Variants in OSGEPL1 observed in about 807,000 individuals in gnomAD.
The protein encoded by OSGEPL1 is O-sialoglycoprotein endopeptidase like 1.
OSGEPL1 carries 26 observed loss-of-function variants against 37.2 expected under a neutral mutation model. The ratio of observed to expected loss-of-function variants is 0.70; its 90% CI spans 0.51 to 0.97. OSGEPL1 has a LOEUF of 0.97. Among genes scored for constraint, OSGEPL1 ranks in the 50% least tolerant of loss-of-function variants. OSGEPL1 has a pLI of 0.00. For missense variants in OSGEPL1, 404 were observed against 487.0 expected (o/e 0.83, Z 1.60); for synonymous variants, 140 against 159.9 (o/e 0.88, Z 0.94).
intron 2 of OSGEPL1, among the ~76,000 whole-genome samples, chr2:189,757,891 T>G: frequency 6.6e-6 from 1 of 152,204 alleles, no homozygotes; most frequent in East Asian, 1.9e-4. Flanking sequence ...TGTCTAGTAC[T>G]TTCTCACTTC....
intron 2 of OSGEPL1, among the ~76,000 whole-genome samples, chr2:189,756,598 A>C (rs1056200344): frequency 2.6e-5 from 4 of 152,122 alleles, no homozygotes; most frequent in African/African-American, 4.8e-5. Flanking sequence ...AATTTTCCTT[A>C]ATTCTTCAAA....
chr2:189,753,035 C>T, intron 5 of OSGEPL1, 56 bp from the exon 6 acceptor site: 1 of 1,454,914 alleles, frequency 6.9e-7, no homozygotes, highest in South Asian at 1.4e-5. Context: ...AACCAAGCTG[C>T]TAATTAAACC....
Position 189,752,846 on chromosome 2 carries a change from T to TA in OSGEPL1, c.1094+2dup. 6.2e-7 allele frequency: 1 copy of TA among 1,613,678 alleles called. No homozygotes were observed. The highest frequency in any genetic ancestry group is 8.5e-7 in the Non-Finnish European group (1 of 1,179,734). On this transcript the variant is annotated splice_region_variant and intron_variant, in intron 6 of 8. Coordinates refer to ENST00000264151, the MANE Select transcript of OSGEPL1 (RefSeq NM_022353.3). ...AGTGAAGCACGTATATCCTGTGGCT[T>TA]ACCATGCAATCATAATGCCATTATC...
intron 8 of OSGEPL1, 23 bp downstream of exon 8, chr2:189,750,527 C>T: frequency 1.1e-6 from 1 of 935,918 alleles, no homozygotes; most frequent in South Asian, 1.6e-5. Flanking sequence ...ACAATAAAAA[C>T]TTAATTTTAA....
rs1338734284 is a variant in OSGEPL1, at chr2:189,752,906, C to T, written c.1037G>A (p.Cys346Tyr). 6.2e-7 allele frequency: 1 copy of T among 1,613,732 alleles called. No individual in the cohort carries two copies. The highest frequency in any genetic ancestry group is 1.3e-5 in the African/African-American group (1 of 75,014). The part of the protein sequence containing the change: ...ALEILTNATQ[C>Y]TLLCPPPRLC... ...TCTGGGAGGAGGACACAACAAAGTG[C>T]ACTGTGTTGCATTTGTTAAAATTTC... The change falls in exon 6 of 9, where the codon TGC (cysteine) becomes TAC (tyrosine). Residue 346 changes from cysteine (C) to tyrosine (Y), a missense_variant. Physicochemically the swap from Cys to Tyr is radical, Grantham distance 194. Transcript: ENST00000264151.
chr2:189,762,198 A>G (rs1446295974), intron 1 of OSGEPL1, among the ~76,000 whole-genome samples: 1 of 152,232 alleles, frequency 6.6e-6, no homozygotes, highest in Non-Finnish European at 1.5e-5. Context: ...TTGGAATTAA[A>G]TCTCCACTTT....
At chr2:189,757,476 A>G (rs1370444816) in intron 2 of OSGEPL1, among the ~76,000 whole-genome samples, 2 of 152,264 alleles carry the variant, frequency 1.3e-5, no homozygotes, top group Admixed American at 1.3e-4. Flanking sequence ...GCTTGTATTC[A>G]GCCCTTGCTA....
At chr2:189,760,840 TATA>T (rs1438538256) in intron 2 of OSGEPL1, among the ~76,000 whole-genome samples, 1 of 152,190 alleles carries the variant, frequency 6.6e-6, no homozygotes, top group East Asian at 1.9e-4. Context: ...CCTTGAAAAT[TATA>T]ATAATCTAAT....
rs373806443 is a variant in OSGEPL1, at chr2:189,752,831, G to A, written c.1094+18C>T. On this transcript the variant is annotated intron_variant, in intron 6 of 8. Coordinates refer to ENST00000264151, the MANE Select transcript of OSGEPL1 (RefSeq NM_022353.3). ...ATTTACATAGTTATGAGTGAAGCAC[G>A]TATATCCTGTGGCTTACCATGCAAT... The A allele has an allele frequency of 2.5e-5, 40 of 1,613,386 alleles. No individual in the cohort carries two copies. The African/African-American group carries it at 3.6e-4, about 15-fold the overall frequency.
chr2:189,751,074 T>G (rs1237979600), intron 7 of OSGEPL1, among the ~76,000 whole-genome samples: 1 of 152,226 alleles, frequency 6.6e-6, no homozygotes, highest in Non-Finnish European at 1.5e-5. Flanking sequence ...TCTCTGAAGT[T>G]TCAAAAGCTG....
rs1359356968 is a variant in OSGEPL1 at position 189,761,481 on chromosome 2, C to T, written c.160G>A (p.Val54Met). ...TSCDDTAAAV[V>M]DETGNVLGEA... ...CCCAACACATTTCCAGTTTCATCCACCACAGCAGCTGCTGTATCATCACAA... is the reference window on the plus strand; with the variant it reads ...CCCAACACATTTCCAGTTTCATCCATCACAGCAGCTGCTGTATCATCACAA... Residue 54 changes from valine (V) to methionine (M), a missense_variant, in exon 2 of 9, where the codon GTG becomes ATG. Val to Met is a conservative substitution (Grantham distance 21, BLOSUM62 1). Coordinates refer to ENST00000264151, the MANE Select transcript of OSGEPL1 (RefSeq NM_022353.3). The T allele has an allele frequency of 6.2e-7, 1 of 1,612,780 alleles. No homozygotes were observed. Among genetic ancestry groups the T allele is most frequent in the Non-Finnish European group, 8.5e-7 (1 of 1,179,422 alleles).
intron 2 of OSGEPL1, among the ~76,000 whole-genome samples, chr2:189,756,773 T>A (rs2046151441): frequency 6.6e-6 from 1 of 152,136 alleles, no homozygotes; most frequent in Admixed American, 6.5e-5. Context: ...TGTTCAACAG[T>A]CTTCTAATTG....
rs1160636022 is a variant in OSGEPL1, at chr2:189,750,563, T to C, written c.*15A>G. ...CCTTAATACTACCTTTAGGGACTTT[T>C]TTGAACAGCAGAAATCATATCTCCA... On this transcript the variant is annotated 3_prime_UTR_variant, in exon 8 of 9. Transcript: ENST00000264151. The C allele has an allele frequency of 6.8e-7, 1 of 1,475,356 alleles. No individual in the cohort carries two copies. Among genetic ancestry groups the C allele is most frequent in the Non-Finnish European group, 9.3e-7 (1 of 1,070,822 alleles). The allele number at this position is 1,475,356 out of a possible 1,614,324, so 91.4% of individuals were successfully genotyped here.
At position 189,761,547 on chromosome 2, in the gene OSGEPL1, T is replaced by A. The variant is rs1282819840; in HGVS notation, c.94A>T (p.Thr32Ser). 1.2e-5 allele frequency: 20 copies of A among 1,611,080 alleles called. No homozygotes were observed. The highest frequency in any genetic ancestry group is 1.7e-5 in the Non-Finnish European group (20 of 1,179,162). ...AATACTATTTTATGAAGAAATAGTG[T>A]TCCAGGATGAAAATTAAAACTTCTT... ...FLRSFNFHPG[T>S]LFLHKIVLGI... Residue 32 changes from threonine (T) to serine (S), a missense_variant, in exon 2 of 9, where the codon ACA becomes TCA. Thr to Ser is a moderately conservative substitution (Grantham distance 58). Coordinates refer to ENST00000264151, the MANE Select transcript of OSGEPL1 (RefSeq NM_022353.3).
chr2:189,762,072 C>T (rs1472791601), intron 1 of OSGEPL1, among the ~76,000 whole-genome samples: 1 of 152,192 alleles, frequency 6.6e-6, no homozygotes, highest in Non-Finnish European at 1.5e-5. Context: ...TGTATTCCAT[C>T]TCCTAAAAAC....
chr2:189,753,285 G>A (rs1337934178), intron 5 of OSGEPL1: 2 of 177,818 alleles, frequency 1.1e-5, no homozygotes, highest in African/African-American at 4.7e-5. Flanking sequence ...ATTATTTTGT[G>A]CATTTTACTA....
intron 8 of OSGEPL1, among the ~76,000 whole-genome samples, chr2:189,747,610 T>G (rs868160056): frequency 6.6e-6 from 1 of 152,190 alleles, no homozygotes; most frequent in Admixed American, 6.5e-5. Context: ...CAAATAGCAA[T>G]GTCTGCTTCT....
At chr2:189,757,932 A>C (rs2106043441) in intron 2 of OSGEPL1, among the ~76,000 whole-genome samples, 1 of 152,230 alleles carries the variant, frequency 6.6e-6, no homozygotes, top group South Asian at 2.1e-4. Flanking sequence ...TCACTTAGTG[A>C]TATGGTTTGG....
At chr2:189,751,305 A>G (rs191278824) in intron 7 of OSGEPL1, among the ~76,000 whole-genome samples, 80 of 152,332 alleles carry the variant, frequency 5.3e-4, no homozygotes, top group Middle Eastern at 3.4e-3. Flanking sequence ...GAATCAGAGG[A>G]TATACTCTAT....
Sources: gnomAD v4.1 joint callset for allele counts (sites outside exome capture counted in the v4.1 genomes callset) on GRCh38, gnomAD v4.1.1 for gene constraint, MANE v1.5 for transcripts, NCBI Gene and HGNC (gene_info 2026-07-23, HGNC 2026-07-21) for gene names.